The following ADK variants were observed in gnomAD, a reference collection of about 807,000 sequenced individuals.
The protein encoded by ADK is N6,N6-dimethyladenosine kinase.
A neutral mutation model predicts 44.7 loss-of-function variants in ADK; 24 were observed. The observed-to-expected ratio is 0.54, with a 90% confidence interval of 0.39 to 0.76. The LOEUF (loss-of-function observed/expected upper bound fraction) is 0.76. Among genes scored for constraint, ADK ranks in the 30% least tolerant of loss-of-function variants. The pLI is 0.00. For synonymous variants in ADK, 128 were observed against 142.6 expected, an observed-to-expected ratio of 0.90 and a Z score of 0.73; for missense variants, 321 against 425.1, an observed-to-expected ratio of 0.76 and a Z score of 2.15.
chr10:74,318,088 T>G (rs889134808), intron 4 of ADK, among the ~76,000 whole-genome samples: 1 of 152,244 alleles, frequency 6.6e-6, no homozygotes, highest in East Asian at 1.9e-4. Context: ...CCTGTTTCTG[T>G]TTTTGAAGAG....
chr10:74,296,588 T>A (rs1174344146), intron 3 of ADK, among the ~76,000 whole-genome samples: 4 of 151,872 alleles, frequency 2.6e-5, no homozygotes, highest in African/African-American at 9.7e-5. Flanking sequence ...ACATTATTTA[T>A]CAAAATTTTA....
intron 6 of ADK, among the ~76,000 whole-genome samples, chr10:74,450,168 G>T (rs1845724544): frequency 1.3e-5 from 2 of 152,056 alleles, no homozygotes; most frequent in South Asian, 4.1e-4. Flanking sequence ...ATAAAAATTA[G>T]CCGGACATGG....
intron 10 of ADK, among the ~76,000 whole-genome samples, chr10:74,688,628 C>T (rs542627780): frequency 8.2e-4 from 125 of 152,260 alleles, no homozygotes; most frequent in Admixed American, 2.0e-3. Flanking sequence ...GAGTAACCCA[C>T]GCTAGGCCAG....
intron 3 of ADK, among the ~76,000 whole-genome samples, chr10:74,269,976 C>T (rs1250432508): frequency 6.6e-6 from 1 of 151,956 alleles, no homozygotes; most frequent in Non-Finnish European, 1.5e-5. Flanking sequence ...CCAGCCTGGG[C>T]AACACAGCCA....
intron 3 of ADK, among the ~76,000 whole-genome samples, chr10:74,307,102 C>CA (rs1393108451): frequency 2.0e-5 from 3 of 152,154 alleles, no homozygotes. Flanking sequence ...TCCTTCCCCC[C>CA]AAACCCCAGT....
chr10:74,176,442 C>T, intron 1 of ADK: 1 of 1,058,880 alleles, frequency 9.4e-7, no homozygotes, highest in South Asian at 3.0e-5. Flanking sequence ...CTGAGCTTGC[C>T]GAGGTAGACA....
intron 7 of ADK, among the ~76,000 whole-genome samples, chr10:74,537,585 A>C (rs1020303189): frequency 1.3e-5 from 2 of 152,148 alleles, no homozygotes; most frequent in African/African-American, 4.8e-5. Context: ...ATTTTTATTA[A>C]ATTAAGAAGG....
chr10:74,160,672 TGCGTGCATGCAGGTAGGG>T (rs1841865640), intron 1 of ADK, among the ~76,000 whole-genome samples: 2 of 151,708 alleles, frequency 1.3e-5, no homozygotes, highest in African/African-American at 4.9e-5. Context: ...TAGGGGTGTG[TGCGTGCATGCAGGTAGGG>T]GTGTGTGTGT....
intron 5 of ADK, among the ~76,000 whole-genome samples, chr10:74,397,890 A>T (rs184633271): frequency 2.0e-5 from 3 of 152,330 alleles, no homozygotes; most frequent in Admixed American, 6.5e-5. Flanking sequence ...CATTTCTAAA[A>T]TTGGACCAGT....
At chr10:74,659,539 T>A (rs1382672867) in intron 9 of ADK, among the ~76,000 whole-genome samples, 2 of 152,180 alleles carry the variant, frequency 1.3e-5, no homozygotes, top group African/African-American at 2.4e-5. Flanking sequence ...GACCTGAATC[T>A]CCTATACTCA....
intron 7 of ADK, among the ~76,000 whole-genome samples, chr10:74,528,465 T>TA (rs542288544): frequency 1.0e-3 from 132 of 131,482 alleles, no homozygotes; most frequent in South Asian, 9.8e-3. Flanking sequence ...AATCTTCACT[T>TA]AAAAAAAAAA....
intron 3 of ADK, among the ~76,000 whole-genome samples, chr10:74,298,490 C>T (rs1839891846): frequency 6.6e-6 from 1 of 152,108 alleles, no homozygotes; most frequent in South Asian, 2.1e-4. Context: ...CAGTGGCTCA[C>T]ACCTGTAACC....
At position 74,577,110 on chromosome 10, in the gene ADK, C is replaced by CTGTGTGTGTGTG. The variant is rs146683037; in HGVS notation, c.727-12140_727-12129dup. Among the ~76,000 whole-genome samples the CTGTGTGTGTGTG allele has an allele frequency of 3.6e-4, 49 of 137,416 alleles. 1 individual carries two copies. The highest frequency in any genetic ancestry group is 5.9e-4 in the Admixed American group (8 of 13,614). The allele number at this position is 137,416 out of a possible 152,430, so 90.2% of individuals were successfully genotyped here. A position where few individuals can be genotyped will look rare whatever the true frequency, so the allele number is the denominator to read the frequency against. ...CCACTTAGTGTTTTGTATTATTTCT[C>CTGTGTGTGTGTG]TGTGTGTGTGTGTGTGTGTGTGTGT... On this transcript the variant is annotated intron_variant, in intron 7 of 10. Transcript: ENST00000539909.
intron 3 of ADK, among the ~76,000 whole-genome samples, chr10:74,313,479 T>C (rs1196372686): frequency 6.6e-6 from 1 of 152,128 alleles, no homozygotes. Flanking sequence ...CAGCATAGAA[T>C]ACATTACTCC....
chr10:74,608,425 A>G (rs1275466705), intron 9 of ADK, among the ~76,000 whole-genome samples: 1 of 151,918 alleles, frequency 6.6e-6, no homozygotes, highest in Non-Finnish European at 1.5e-5. Context: ...TTGTGTGGAC[A>G]TCCTTTTTGT....
chr10:74,312,440 T>A (rs931129224), intron 3 of ADK, among the ~76,000 whole-genome samples: 6 of 151,594 alleles, frequency 4.0e-5, no homozygotes, highest in Admixed American at 2.0e-4. Context: ...TTTTTTTTTT[T>A]AGAACAGAAA....
intron 3 of ADK, among the ~76,000 whole-genome samples, chr10:74,243,161 A>G (rs1845288507): frequency 6.6e-6 from 1 of 152,114 alleles, no homozygotes; most frequent in Non-Finnish European, 1.5e-5. Flanking sequence ...CTAAAAGACC[A>G]CTGTAACACT....
intron 6 of ADK, among the ~76,000 whole-genome samples, chr10:74,468,230 C>T (rs1016347004): frequency 6.6e-6 from 1 of 152,106 alleles, no homozygotes; most frequent in Non-Finnish European, 1.5e-5. Context: ...AAAGGCTATG[C>T]CTTAACTTTT....
chr10:74,509,835 T>C (rs374966764), intron 6 of ADK, among the ~76,000 whole-genome samples: 11 of 152,232 alleles, frequency 7.2e-5, no homozygotes, highest in African/African-American at 2.4e-4. Context: ...AAACATACCA[T>C]GTTTAACTTT....
Sources: gnomAD v4.1 joint callset for allele counts (sites outside exome capture counted in the v4.1 genomes callset) on GRCh38, gnomAD v4.1.1 for gene constraint, MANE v1.5 for transcripts, NCBI Gene and HGNC (gene_info 2026-07-23, HGNC 2026-07-21) for gene names.